ADCY2: variants seen among roughly 807,000 people sequenced by gnomAD.
ADCY2 encodes adenylate cyclase 2.
A neutral mutation model predicts 125.2 loss-of-function variants in ADCY2; 31 were observed. The ratio of observed to expected loss-of-function variants is 0.25; its 90% CI spans 0.19 to 0.33. The LOEUF (loss-of-function observed/expected upper bound fraction) is 0.33. Among genes scored for constraint, ADCY2 ranks in the 10% least tolerant of loss-of-function variants. The pLI is 1.00. For synonymous variants in ADCY2, 512 were observed against 548.4 expected (o/e 0.93, Z 0.93); for missense variants, 904 against 1,418.2 (o/e 0.64, Z 5.82).
intron 15 of ADCY2, among the ~76,000 whole-genome samples, chr5:7,753,666 C>A (rs1267295661): frequency 2.0e-5 from 3 of 152,200 alleles, no homozygotes; most frequent in Non-Finnish European, 4.4e-5. Flanking sequence ...GAGCTACACA[C>A]TGAATCAAGG....
intron 2 of ADCY2, among the ~76,000 whole-genome samples, chr5:7,457,019 C>T (rs1741697018): frequency 6.6e-6 from 1 of 152,154 alleles, no homozygotes; most frequent in South Asian, 2.1e-4. Flanking sequence ...AATTCTCAGG[C>T]TCCACCCCAG....
chr5:7,539,302 A>C (rs1275978204), intron 3 of ADCY2, among the ~76,000 whole-genome samples: 1 of 152,078 alleles, frequency 6.6e-6, no homozygotes, highest in Non-Finnish European at 1.5e-5. Flanking sequence ...GACATATTTT[A>C]AGCAACTGCT....
intron 16 of ADCY2, among the ~76,000 whole-genome samples, chr5:7,760,163 A>G (rs1743147790): frequency 6.6e-6 from 1 of 152,262 alleles, no homozygotes; most frequent in Non-Finnish European, 1.5e-5. Context: ...GAGGCAGGCA[A>G]GGGGCATTGG....
At chr5:7,755,828 T>C (rs919826026) in intron 15 of ADCY2, among the ~76,000 whole-genome samples, 2 of 152,222 alleles carry the variant, frequency 1.3e-5, no homozygotes, top group African/African-American at 4.8e-5. Context: ...GCAACAATAA[T>C]TTTAGGAACA....
intron 2 of ADCY2, among the ~76,000 whole-genome samples, chr5:7,473,803 T>C (rs1742424147): frequency 6.6e-6 from 1 of 152,212 alleles, no homozygotes; most frequent in Non-Finnish European, 1.5e-5. Flanking sequence ...CAACCTTTCT[T>C]ATGAATGCTT....
chr5:7,628,738 G>C lies in ADCY2; in HGVS notation c.720+2422G>C, dbSNP rs1738212521. 1.3e-5 allele frequency among the ~76,000 whole-genome samples: 2 copies of C among 151,962 alleles called. 1 individual carries two copies. Among genetic ancestry groups the C allele is most frequent in the South Asian group, 4.1e-4 (2 of 4,822 alleles). On this transcript the variant is annotated intron_variant, in intron 4 of 24. Transcript: ENST00000338316. ...CAGTACCTTTCTTGTTAGGGCTTCG[G>C]AGAATATGTGTCTACGATGAGATGT...
intron 3 of ADCY2, among the ~76,000 whole-genome samples, chr5:7,612,263 T>C (rs1737592658): frequency 1.3e-5 from 2 of 152,262 alleles, no homozygotes; most frequent in African/African-American, 4.8e-5. Context: ...CCTCATGTTA[T>C]TTCCTCAAGA....
At chr5:7,567,927 CTT>C (rs1253662123) in intron 3 of ADCY2, among the ~76,000 whole-genome samples, 7 of 71,956 alleles carry the variant, frequency 9.7e-5, no homozygotes, top group East Asian at 4.6e-4. Context: ...GTCGTCCTCT[CTT>C]TCTCTCTCTC....
rs1741585475 is a variant in ADCY2 at position 7,716,160 on chromosome 5, T to C, written c.1623-997T>C. 2.6e-5 allele frequency among the ~76,000 whole-genome samples: 4 copies of C among 152,176 alleles called. No homozygotes were observed. The South Asian group carries it at 8.3e-4, about 32-fold the overall frequency. On this transcript the variant is annotated intron_variant, in intron 11 of 24. Coordinates refer to ENST00000338316, the MANE Select transcript of ADCY2 (RefSeq NM_020546.3). Reference sequence around the variant, plus strand: ...AAGTATCTTATATTATGGCTAAAGGTTATTTGCTTCTGAAACTAAGTGAGA... The same window carrying C: ...AAGTATCTTATATTATGGCTAAAGGCTATTTGCTTCTGAAACTAAGTGAGA...
At chr5:7,507,440 C>CAA (rs766601693) in intron 2 of ADCY2, among the ~76,000 whole-genome samples, 2 of 46,926 alleles carry the variant, frequency 4.3e-5, no homozygotes, top group East Asian at 4.1e-4. Context: ...GACTCCGTCT[C>CAA]AAAAAAAAAA....
chr5:7,822,762 A>C (rs1745342357), intron 24 of ADCY2, among the ~76,000 whole-genome samples: 1 of 151,912 alleles, frequency 6.6e-6, no homozygotes, highest in African/African-American at 2.4e-5. Flanking sequence ...TGAACACTCT[A>C]TTTGTCTCAC....
At chr5:7,466,379 T>C (rs1364615001) in intron 2 of ADCY2, among the ~76,000 whole-genome samples, 1 of 152,192 alleles carries the variant, frequency 6.6e-6, no homozygotes, top group Admixed American at 6.5e-5. Flanking sequence ...CCACCCTAGA[T>C]CCCTTACACA....
chr5:7,607,230 T>C (rs901017549), intron 3 of ADCY2, among the ~76,000 whole-genome samples: 2 of 152,218 alleles, frequency 1.3e-5, no homozygotes, highest in African/African-American at 2.4e-5. Flanking sequence ...GGTCTCACAT[T>C]TTTAGCATTC....
chr5:7,804,493 C>A, intron 21 of ADCY2, 92 bp from the exon 22 acceptor site: 1 of 998,190 alleles, frequency 1.0e-6, no homozygotes, highest in Non-Finnish European at 1.6e-6. Context: ...CACGGCATTA[C>A]TGTGAACCAG....
intron 3 of ADCY2, among the ~76,000 whole-genome samples, chr5:7,622,291 A>G (rs767149819): frequency 1.9e-4 from 29 of 152,246 alleles, no homozygotes; most frequent in Non-Finnish European, 2.8e-4. Context: ...TATTTAGGAC[A>G]TCAATTGTAT....
chr5:7,459,836 G>C (rs1022283427), intron 2 of ADCY2, among the ~76,000 whole-genome samples: 68 of 133,212 alleles, frequency 5.1e-4, no homozygotes, highest in African/African-American at 1.8e-3. Context: ...GCCCAGGCTG[G>C]AGTGCAGTGG....
At chr5:7,673,714 G>A (rs910583192) in intron 4 of ADCY2, among the ~76,000 whole-genome samples, 1 of 152,190 alleles carries the variant, frequency 6.6e-6, no homozygotes, top group Non-Finnish European at 1.5e-5. Context: ...ATGCAGCCCC[G>A]CAGGAAAGCC....
intron 2 of ADCY2, among the ~76,000 whole-genome samples, chr5:7,489,174 C>G (rs1004140734): frequency 6.6e-6 from 1 of 152,138 alleles, no homozygotes; most frequent in Non-Finnish European, 1.5e-5. Flanking sequence ...TTGCTGCAGA[C>G]TTTCCAAAAT....
chr5:7,552,490 T>C (rs1436751600), intron 3 of ADCY2, among the ~76,000 whole-genome samples: 2 of 152,188 alleles, frequency 1.3e-5, no homozygotes, highest in South Asian at 2.1e-4. Context: ...TATTTAAGAA[T>C]ATTAGAAGAA....
Sources: gnomAD v4.1 joint callset for allele counts (sites outside exome capture counted in the v4.1 genomes callset) on GRCh38, gnomAD v4.1.1 for gene constraint, MANE v1.5 for transcripts, NCBI Gene and HGNC (gene_info 2026-07-23, HGNC 2026-07-21) for gene names.